Variants in LRRC3B observed in about 807,000 individuals in gnomAD.
The protein encoded by LRRC3B is leucine rich repeat containing 3B, also known as leucine-rich repeat-containing protein 3B.
Under a neutral mutation model 12.8 loss-of-function variants are expected in LRRC3B, and 2 were observed. The ratio of observed to expected loss-of-function variants is 0.16; its 90% CI spans 0.06 to 0.49. The LOEUF is 0.49. LRRC3B is among the 20% of genes least tolerant of loss of function. The probability of loss-of-function intolerance (pLI) is 0.96; values close to 1 mark genes in which losing one functional copy is unlikely to be tolerated. For missense variants in LRRC3B, 189 were observed against 319.4 expected (o/e 0.59, Z 3.11); for synonymous variants, 132 against 122.0 (o/e 1.08, Z -0.54).
chr3:26,630,120 T>C (rs989566606), intron 1 of LRRC3B, among the ~76,000 whole-genome samples: 2 of 150,544 alleles, frequency 1.3e-5, no homozygotes, highest in African/African-American at 4.9e-5. Context: ...AAAAAGAGAA[T>C]GGGAGTAATA....
At chr3:26,692,912 T>C (rs1250353256) in intron 1 of LRRC3B, among the ~76,000 whole-genome samples, 1 of 152,210 alleles carries the variant, frequency 6.6e-6, no homozygotes, top group Non-Finnish European at 1.5e-5. Flanking sequence ...TCCCATATGT[T>C]TGGAGTGTGG....
intron 1 of LRRC3B, among the ~76,000 whole-genome samples, chr3:26,703,679 A>G (rs886590832): frequency 1.3e-5 from 2 of 151,182 alleles, no homozygotes; most frequent in African/African-American, 2.4e-5. Context: ...TTTGCTACAG[A>G]GATTGTGGTT....
intron 1 of LRRC3B, among the ~76,000 whole-genome samples, chr3:26,703,862 T>C (rs1486305371): frequency 6.6e-6 from 1 of 152,072 alleles, no homozygotes; most frequent in Non-Finnish European, 1.5e-5. Flanking sequence ...TTCAACTCTT[T>C]CATGCACTGA....
intron 1 of LRRC3B, among the ~76,000 whole-genome samples, chr3:26,662,430 C>T (rs1699511071): frequency 6.6e-6 from 1 of 152,062 alleles, no homozygotes; most frequent in South Asian, 2.1e-4. Flanking sequence ...CCTTAAAGTG[C>T]CCCCATTCAC....
intron 1 of LRRC3B, among the ~76,000 whole-genome samples, chr3:26,671,356 A>ATATATATATG (rs1364064552): frequency 3.0e-4 from 17 of 56,384 alleles, no homozygotes; most frequent in African/African-American, 1.8e-3. Context: ...GTGTGTATAT[A>ATATATATATG]TATATATATA....
chr3:26,687,410 T>C (rs909095036), intron 1 of LRRC3B, among the ~76,000 whole-genome samples: 79 of 152,244 alleles, frequency 5.2e-4, no homozygotes, highest in Non-Finnish European at 1.1e-3. Context: ...TTCTAAGCAT[T>C]CCTTTCTCTC....
chr3:26,707,601 G>C (rs921514853), intron 1 of LRRC3B, among the ~76,000 whole-genome samples: 2 of 152,078 alleles, frequency 1.3e-5, no homozygotes, highest in Non-Finnish European at 2.9e-5. Context: ...GCATGTTTTA[G>C]GCTGGTTGCA....
intron 1 of LRRC3B, among the ~76,000 whole-genome samples, chr3:26,666,927 C>T (rs1442649380): frequency 6.6e-6 from 1 of 152,072 alleles, no homozygotes; most frequent in African/African-American, 2.4e-5. Flanking sequence ...GTGTCAACTA[C>T]AACACTTTCA....
At chr3:26,691,329 G>A (rs940837350) in intron 1 of LRRC3B, among the ~76,000 whole-genome samples, 1 of 151,782 alleles carries the variant, frequency 6.6e-6, no homozygotes, top group Non-Finnish European at 1.5e-5. Flanking sequence ...AATTGGAGGG[G>A]TAGTTATTCC....
intron 1 of LRRC3B, among the ~76,000 whole-genome samples, chr3:26,645,786 T>C (rs1308639774): frequency 6.6e-6 from 1 of 152,082 alleles, no homozygotes. Context: ...ATTATGAGGG[T>C]ATCATGTCAG....
At chr3:26,697,618 G>A (rs996290867) in intron 1 of LRRC3B, among the ~76,000 whole-genome samples, 12 of 151,954 alleles carry the variant, frequency 7.9e-5, no homozygotes, top group South Asian at 2.1e-4. Flanking sequence ...CTCTGATTCC[G>A]AAAGATTTAC....
At chr3:26,675,156 A>C (rs1699831165) in intron 1 of LRRC3B, among the ~76,000 whole-genome samples, 1 of 152,170 alleles carries the variant, frequency 6.6e-6, no homozygotes, top group South Asian at 2.1e-4. Context: ...ATAAGTAGAT[A>C]CCTATATAAG....
chr3:26,706,397 C>T lies in LRRC3B; in HGVS notation c.-160-3116C>T, dbSNP rs571738721. Among the ~76,000 whole-genome samples, 9 of 152,302 alleles carry T rather than the reference C, an allele frequency of 5.9e-5. No individual in the cohort carries two copies. The South Asian group carries it at 1.2e-3, about 21-fold the overall frequency. ...TGGCTGGGGGTGATGGCTCTAGAGG[C>T]TGAGTCACAGTAGCTCAGCAATATA... On this transcript the variant is annotated intron_variant, in intron 1 of 1. Transcript: ENST00000396641.
intron 1 of LRRC3B, among the ~76,000 whole-genome samples, chr3:26,629,406 T>C (rs1269086627): frequency 6.6e-6 from 1 of 152,244 alleles, no homozygotes; most frequent in Non-Finnish European, 1.5e-5. Flanking sequence ...TCTCTAAAGC[T>C]AAAGCACAAA....
chr3:26,708,228 G>T (rs1420481622), intron 1 of LRRC3B, among the ~76,000 whole-genome samples: 4 of 152,140 alleles, frequency 2.6e-5, no homozygotes, highest in Non-Finnish European at 4.4e-5. Flanking sequence ...TCCTGGGAGG[G>T]AATCTTCTAA....
chr3:26,692,638 T>A (rs1242675423), intron 1 of LRRC3B, among the ~76,000 whole-genome samples: 3 of 152,258 alleles, frequency 2.0e-5, no homozygotes, highest in African/African-American at 7.2e-5. Context: ...CATACTGTTC[T>A]GTTAGTTGTT....
chr3:26,700,278 G>C (rs886349358), intron 1 of LRRC3B, among the ~76,000 whole-genome samples: 1 of 152,120 alleles, frequency 6.6e-6, no homozygotes, highest in East Asian at 1.9e-4. Flanking sequence ...AATTTGGCAG[G>C]AAGAGGTCAA....
At chr3:26,671,367 T>TAGAGAGAGAGAGAG (rs1480789861) in intron 1 of LRRC3B, among the ~76,000 whole-genome samples, 20 of 40,308 alleles carry the variant, frequency 5.0e-4, no homozygotes, top group East Asian at 3.0e-3. Context: ...TATATATATA[T>TAGAGAGAGAGAGAG]ATATATAGAG....
chr3:26,702,289 A>G (rs564694959), intron 1 of LRRC3B, among the ~76,000 whole-genome samples: 37 of 152,300 alleles, frequency 2.4e-4, no homozygotes, highest in Non-Finnish European at 2.8e-4. Context: ...CTGCTACCAG[A>G]TTATTCTCTT....
Sources: gnomAD v4.1 joint callset for allele counts (sites outside exome capture counted in the v4.1 genomes callset) on GRCh38, gnomAD v4.1.1 for gene constraint, MANE v1.5 for transcripts, NCBI Gene and HGNC (gene_info 2026-07-23, HGNC 2026-07-21) for gene names.